SHROOM4: variants seen among roughly 807,000 people sequenced by gnomAD.
SHROOM4 encodes the protein shroom family member 4.
SHROOM4 carries 17 observed loss-of-function variants against 80.3 expected under a neutral mutation model. The ratio of observed to expected loss-of-function variants is 0.21; its 90% CI spans 0.14 to 0.32. The LOEUF is 0.32. SHROOM4 is among the 10% of genes least tolerant of loss of function. SHROOM4 has a pLI of 1.00. For synonymous variants in SHROOM4, 400 were observed against 437.5 expected (o/e 0.91, Z 1.07); for missense variants, 993 against 1,140.3 (o/e 0.87, Z 1.86).
chrX:50,761,798 T>A (rs1935164085), intron 1 of SHROOM4, among the ~76,000 whole-genome samples: 1 of 111,587 alleles, frequency 9.0e-6, no homozygotes, highest in African/African-American at 3.3e-5. Context: ...TGACCTCAGA[T>A]AATCCACCTG....
rs1557255483 is a variant in SHROOM4, at chrX:50,634,903, C to A, written c.1170G>T (p.Glu390Asp). The change falls in exon 4 of 9, where the codon GAG becomes GAT. Residue 390 changes from glutamate to aspartate, a missense_variant. Physicochemically the swap from Glu to Asp is conservative, Grantham distance 45. Transcript: ENST00000376020. ...DSNPLNEASA[E>D]LAKASFGRPP... is the part of the protein sequence containing the mutation. ...GTCTGCCAAAAGAAGCCTTAGCTAG[C>A]TCTGCAGAAGCCTCATTGAGTGGGT... 1 of 1,207,969 alleles carries A rather than the reference C, an allele frequency of 8.3e-7. No homozygotes were observed. Among genetic ancestry groups the A allele is most frequent in the Admixed American group, 2.2e-5 (1 of 45,544 alleles).
intron 1 of SHROOM4, among the ~76,000 whole-genome samples, chrX:50,697,069 C>T (rs781789602): frequency 1.8e-5 from 2 of 111,619 alleles, no homozygotes; most frequent in South Asian, 7.7e-4. Flanking sequence ...CTATTATGTA[C>T]AGGACAACAT....
chrX:50,581,526 A>G, the SHROOM4 span, among the ~76,000 whole-genome samples: 1 of 111,548 alleles, frequency 9.0e-6, no homozygotes, highest in Non-Finnish European at 1.9e-5. Context: ...AAAGAGTTGC[A>G]GCTGCAGCCC....
intron 2 of SHROOM4, among the ~76,000 whole-genome samples, chrX:50,681,401 A>G (rs1293913638): frequency 9.0e-6 from 1 of 111,383 alleles, no homozygotes; most frequent in Non-Finnish European, 1.9e-5. Context: ...ACCACACTCC[A>G]GTTTTAAAGC....
intron 1 of SHROOM4, among the ~76,000 whole-genome samples, chrX:50,748,424 G>A (rs1230724587): frequency 8.9e-6 from 1 of 111,894 alleles, no homozygotes; most frequent in East Asian, 2.8e-4. Flanking sequence ...ATACTGTTTT[G>A]TGTGGTTCCA....
In SHROOM4 at chrX:50,633,900, G is replaced by A. The variant is rs782582948; in HGVS notation, c.2173C>T (p.His725Tyr). 4.7e-5 allele frequency: 57 copies of A among 1,210,191 alleles called. No homozygotes were observed. In the East Asian group the frequency reaches 1.6e-3, roughly 35 times the overall value. Residue 725 changes from histidine (H) to tyrosine (Y), a missense_variant, in exon 4 of 9, where the codon CAT (histidine) becomes TAT (tyrosine). By Grantham distance (83) the His-to-Tyr change is moderately conservative. Coordinates refer to ENST00000376020, the MANE Select transcript of SHROOM4 (RefSeq NM_020717.5). ...TTATGCTCTGGAGACCATCTCCAAT[G>A]ACCTCCACGGACTCCACAGTGAGCA... ...AHAHCGVRGG[H>Y]WRWSPEHNSQ...
Position 50,738,080 on chromosome X carries a change from C to T in SHROOM4, c.118-42143G>A, listed in dbSNP as rs1431541771. On this transcript the variant is annotated intron_variant, in intron 1 of 8. Transcript: ENST00000376020. ...TAAACAGAACCAAAGACAAAAACCACATGATTATCTTAATAGATGCAGAAA... is the reference window on the plus strand; with the variant it reads ...TAAACAGAACCAAAGACAAAAACCATATGATTATCTTAATAGATGCAGAAA... Among the ~76,000 whole-genome samples, 38 of 111,171 alleles carry T rather than the reference C, an allele frequency of 3.4e-4. No individual in the cohort carries two copies. The Middle Eastern group carries it at 0.014, about 41-fold the overall frequency.
intron 5 of SHROOM4, among the ~76,000 whole-genome samples, chrX:50,624,667 C>T (rs929213165): frequency 2.0e-5 from 2 of 100,517 alleles, no homozygotes; most frequent in Non-Finnish European, 4.0e-5. Context: ...GGATGGAATG[C>T]GGTCATGTGA....
chrX:50,600,529 CAT>C (rs1189152515), intron 7 of SHROOM4, among the ~76,000 whole-genome samples: 2 of 112,263 alleles, frequency 1.8e-5, no homozygotes, highest in Admixed American at 9.4e-5. Context: ...TAAGTTAACA[CAT>C]GTTACATGTT....
intron 1 of SHROOM4, among the ~76,000 whole-genome samples, chrX:50,709,203 C>G (rs1446817516): frequency 9.0e-6 from 1 of 111,584 alleles, no homozygotes; most frequent in Non-Finnish European, 1.9e-5. Flanking sequence ...TGATCTTAAA[C>G]ATTTAGATTC....
intron 2 of SHROOM4, among the ~76,000 whole-genome samples, chrX:50,692,384 C>T (rs145283761): frequency 0.025 from 2,831 of 111,891 alleles, 93 homozygotes; most frequent in African/African-American, 0.089. Flanking sequence ...CTGATGCTCT[C>T]CCAATTTAAC....
intron 2 of SHROOM4, among the ~76,000 whole-genome samples, chrX:50,667,497 T>C (rs1932726755): frequency 9.0e-6 from 1 of 111,252 alleles, no homozygotes; most frequent in East Asian, 2.8e-4. Context: ...GAGATGAACT[T>C]TCTCCCATTC....
chrX:50,656,081 C>T (rs1317944964), intron 2 of SHROOM4, among the ~76,000 whole-genome samples: 1 of 111,513 alleles, frequency 9.0e-6, no homozygotes, highest in Admixed American at 9.6e-5. Flanking sequence ...CTCTTCAGAT[C>T]TTTGGCCCAT....
In SHROOM4 at chrX:50,602,540, C is replaced by T. The variant is rs782066038; in HGVS notation, c.3942+93G>A. The T allele has an allele frequency of 5.0e-4, 453 of 906,496 alleles. 1 individual carries two copies. The highest frequency in any genetic ancestry group is 8.4e-4 in the East Asian group (27 of 32,238). The allele number at this position is 906,496 out of a possible 1,213,427, so 74.7% of individuals were successfully genotyped here. ...TTTCCATACTGAAAATATGGGAATGCGAGATGTTCTAGAGAGTGTAGAAGG... is the reference window on the plus strand; with the variant it reads ...TTTCCATACTGAAAATATGGGAATGTGAGATGTTCTAGAGAGTGTAGAAGG... On this transcript the variant is annotated intron_variant, in intron 7 of 8. Coordinates refer to ENST00000376020, the MANE Select transcript of SHROOM4 (RefSeq NM_020717.5).
intron 2 of SHROOM4, among the ~76,000 whole-genome samples, chrX:50,649,098 C>T (rs1557258333): frequency 8.9e-6 from 1 of 112,074 alleles, no homozygotes; most frequent in Non-Finnish European, 1.9e-5. Context: ...CAGCGTTGGA[C>T]TGCTAATTAC....
chrX:50,634,973 A>G lies in SHROOM4; in HGVS notation c.1100T>C (p.Val367Ala), dbSNP rs398124362. The G allele has an allele frequency of 3.2e-5, 39 of 1,211,956 alleles. No homozygotes were observed. The highest frequency in any genetic ancestry group is 4.1e-5 in the Non-Finnish European group (37 of 895,546). ...TCTGTCACAGGCTTTTGGGGATCCAACAGCTTTGGTTGAGGCCTGCATCAG... is the reference window on the plus strand; with the variant it reads ...TCTGTCACAGGCTTTTGGGGATCCAGCAGCTTTGGTTGAGGCCTGCATCAG... Reference protein sequence around the residue: ...HLLMQASTKAVGSPKACDRAS... With the variant: ...HLLMQASTKAAGSPKACDRAS... Residue 367 changes from valine (V) to alanine (A), a missense_variant, in exon 4 of 9, where the codon GTT becomes GCT. By Grantham distance (64) the Val-to-Ala change is moderately conservative (BLOSUM62 0). Coordinates refer to ENST00000376020, the MANE Select transcript of SHROOM4 (RefSeq NM_020717.5).
intron 7 of SHROOM4, among the ~76,000 whole-genome samples, chrX:50,599,008 T>TTGTGTGTGTGTGTG (rs57494031): frequency 1.0e-5 from 1 of 98,793 alleles, no homozygotes; most frequent in East Asian, 3.3e-4. Flanking sequence ...GTGTGTGTGT[T>TTGTGTGTGTGTGTG]TGTGTGTGTG....
the SHROOM4 span, among the ~76,000 whole-genome samples, chrX:50,576,188 G>A: frequency 6.3e-5 from 7 of 111,954 alleles, no homozygotes; most frequent in African/African-American, 2.3e-4. Flanking sequence ...CACTTTCTCT[G>A]GTCACTTATC....
intron 5 of SHROOM4, among the ~76,000 whole-genome samples, chrX:50,621,630 C>T (rs1188381603): frequency 8.9e-6 from 1 of 111,765 alleles, no homozygotes; most frequent in Non-Finnish European, 1.9e-5. Flanking sequence ...TTATAATTTT[C>T]CTTGAATAAG....
Sources: allele counts gnomAD v4.1 joint callset (sites outside exome capture counted in the v4.1 genomes callset), GRCh38; gene constraint gnomAD v4.1.1; transcripts MANE v1.5; gene names NCBI Gene and HGNC (gene_info 2026-07-23, HGNC 2026-07-21).